The following VPS13B variants were observed in gnomAD, a reference collection of about 807,000 sequenced individuals.
The protein encoded by VPS13B is intermembrane lipid transfer protein VPS13B.
VPS13B carries 285 observed loss-of-function variants against 426.4 expected under a neutral mutation model. That is an observed-to-expected ratio of 0.67 (90% confidence interval 0.61 to 0.74). The LOEUF (loss-of-function observed/expected upper bound fraction) is 0.74, where lower values mean the gene tolerates loss of function less well. Ranked by LOEUF, VPS13B falls within the 30% of genes least tolerant of loss-of-function variation. VPS13B has a pLI of 0.00. For synonymous variants in VPS13B, 1,676 were observed against 1,676.4 expected, an observed-to-expected ratio of 1.00 and a Z score of 0.01; for missense variants, 4,537 against 4,782.6, an observed-to-expected ratio of 0.95 and a Z score of 1.51.
chr8:99,018,732 A>G (rs1331043948), intron 2 of VPS13B, among the ~76,000 whole-genome samples: 1 of 152,118 alleles, frequency 6.6e-6, no homozygotes, highest in African/African-American at 2.4e-5. Context: ...TGTTAGCTAT[A>G]AATAACCTTT....
rs757652643 is a variant in VPS13B, at chr8:99,384,360, T to A, written c.2934+43T>A. The A allele has an allele frequency of 2.7e-6, 4 of 1,475,224 alleles. No homozygotes were observed. The Admixed American group carries it at 6.7e-5, about 25-fold the overall frequency. 91.4% of individuals were successfully genotyped at this position (1,475,224 alleles called of 1,614,324 possible). A position where few individuals can be genotyped will look rare whatever the true frequency, so the allele number is the denominator to read the frequency against. Reference sequence around the variant, plus strand: ...AATTTTTTCTGTTAACAAATATTTTTCTTATTCATTTAGTAGAATTATATA... The same window carrying A: ...AATTTTTTCTGTTAACAAATATTTTACTTATTCATTTAGTAGAATTATATA... On this transcript the variant is annotated intron_variant, in intron 20 of 61. Coordinates refer to ENST00000357162, the MANE Select transcript of VPS13B (RefSeq NM_152564.5).
intron 19 of VPS13B, among the ~76,000 whole-genome samples, chr8:99,323,680 G>A (rs1000926416): frequency 2.6e-5 from 4 of 152,152 alleles, no homozygotes; most frequent in Non-Finnish European, 4.4e-5. Context: ...TATTATCTAA[G>A]CACAATTAAA....
At position 99,876,214 on chromosome 8, in the gene VPS13B, T is replaced by TTGTC. The variant is rs1217703542; in HGVS notation, c.*551_*554dup. 1.9e-5 allele frequency: 3 copies of TTGTC among 161,734 alleles called. No individual in the cohort carries two copies. Among genetic ancestry groups the TTGTC allele is most frequent in the Admixed American group, 5.7e-5 (1 of 17,430 alleles). The allele number at this position is 161,734 out of a possible 1,614,324, so 10.0% of individuals were successfully genotyped here. A position where few individuals can be genotyped will look rare whatever the true frequency, so the allele number is the denominator to read the frequency against. The stretch of plus-strand genomic sequence containing the variant: ...GTCACCACCTTTGCCTCATGCTCCT[T>TTGTC]TGTCTGCAAAGGCCTAGGATTCTTT... On this transcript the variant is annotated 3_prime_UTR_variant, in exon 62 of 62. Transcript: ENST00000357162.
At chr8:99,402,004 T>C (rs1233614228) in intron 21 of VPS13B, among the ~76,000 whole-genome samples, 1 of 152,168 alleles carries the variant, frequency 6.6e-6, no homozygotes, top group Non-Finnish European at 1.5e-5. Flanking sequence ...CTTGTAGCTT[T>C]GTGCACCACA....
intron 50 of VPS13B, among the ~76,000 whole-genome samples, chr8:99,822,669 C>T (rs998968177): frequency 6.6e-6 from 1 of 152,198 alleles, no homozygotes. Flanking sequence ...TTGGTAGTGA[C>T]TCAGGACCTC....
intron 22 of VPS13B, among the ~76,000 whole-genome samples, chr8:99,433,098 T>G (rs1412187074): frequency 6.6e-6 from 1 of 152,244 alleles, no homozygotes; most frequent in Non-Finnish European, 1.5e-5. Flanking sequence ...GGGTACTCAA[T>G]AACACTTGTG....
intron 61 of VPS13B, chr8:99,873,174 G>GAAAT (rs761800631): frequency 2.3e-4 from 35 of 152,144 alleles, no homozygotes; most frequent in Non-Finnish European, 3.8e-4. Flanking sequence ...AGCTGCTTGG[G>GAAAT]AAATATTTCA....
At chr8:99,701,634 A>C (rs778141594) in intron 36 of VPS13B, among the ~76,000 whole-genome samples, 1 of 152,172 alleles carries the variant, frequency 6.6e-6, no homozygotes, top group Non-Finnish European at 1.5e-5. Flanking sequence ...AGTTAAACAC[A>C]AAAACAGCAA....
At chr8:99,805,395 G>A (rs1275217960) in intron 43 of VPS13B, among the ~76,000 whole-genome samples, 2 of 152,106 alleles carry the variant, frequency 1.3e-5, no homozygotes, top group African/African-American at 4.8e-5. Context: ...GTTTTAAGAT[G>A]CAGTTTAACA....
At chr8:99,777,001 C>A in intron 41 of VPS13B, 45 bp downstream of exon 41, 1 of 1,572,644 alleles carries the variant, frequency 6.4e-7, no homozygotes, top group Non-Finnish European at 8.8e-7. Context: ...TTAATACTTA[C>A]CATTTTCTCT....
chr8:99,344,759 A>G (rs944752518), intron 19 of VPS13B, among the ~76,000 whole-genome samples: 2 of 150,952 alleles, frequency 1.3e-5, no homozygotes, highest in South Asian at 4.2e-4. Flanking sequence ...GGTTTGTACA[A>G]TTTTTTATAT....
intron 39 of VPS13B, among the ~76,000 whole-genome samples, chr8:99,738,366 G>C (rs1833930491): frequency 6.6e-6 from 1 of 151,826 alleles, no homozygotes; most frequent in Non-Finnish European, 1.5e-5. Flanking sequence ...TTTCTCTTTA[G>C]CTAAATCATG....
At chr8:99,689,077 C>T (rs761941668) in intron 35 of VPS13B, among the ~76,000 whole-genome samples, 2 of 151,892 alleles carry the variant, frequency 1.3e-5, no homozygotes, top group African/African-American at 2.4e-5. Context: ...GTCTTCTTTC[C>T]GGTAAAGAAT....
intron 17 of VPS13B, chr8:99,234,085 CCCCCAGGGCGTGA>C: frequency 2.6e-6 from 2 of 783,900 alleles, no homozygotes; most frequent in Admixed American, 1.7e-5. Flanking sequence ...CTGAGAAGAG[CCCCCAGGGCGTGA>C]CCTTGCTCCC....
intron 28 of VPS13B, among the ~76,000 whole-genome samples, chr8:99,508,811 A>G (rs1189310489): frequency 6.6e-6 from 1 of 152,062 alleles, no homozygotes; most frequent in Non-Finnish European, 1.5e-5. Context: ...TTTAAATAGT[A>G]TAAAGTATTA....
At chr8:99,623,166 C>T (rs1828441468) in intron 33 of VPS13B, among the ~76,000 whole-genome samples, 1 of 152,170 alleles carries the variant, frequency 6.6e-6, no homozygotes, top group Non-Finnish European at 1.5e-5. Context: ...CTATGCTGTC[C>T]ATCACACTGA....
chr8:99,559,302 A>T (rs893967901), intron 31 of VPS13B, among the ~76,000 whole-genome samples: 2 of 152,194 alleles, frequency 1.3e-5, no homozygotes. Flanking sequence ...GATTCTGGAT[A>T]TTAGCCCTTT....
intron 5 of VPS13B, among the ~76,000 whole-genome samples, chr8:99,107,155 G>A (rs1181257734): frequency 1.3e-5 from 2 of 152,054 alleles, no homozygotes; most frequent in Non-Finnish European, 2.9e-5. Context: ...AATGCACGAG[G>A]CTGTATTAAA....
chr8:99,314,127 A>T (rs941003070), intron 19 of VPS13B, among the ~76,000 whole-genome samples: 2 of 152,034 alleles, frequency 1.3e-5, no homozygotes, highest in East Asian at 3.9e-4. Context: ...TGGTGAGGCG[A>T]TGCCTTGCCC....
Sources: allele counts gnomAD v4.1 joint callset (sites outside exome capture counted in the v4.1 genomes callset), GRCh38; gene constraint gnomAD v4.1.1; transcripts MANE v1.5; gene names NCBI Gene and HGNC (gene_info 2026-07-23, HGNC 2026-07-21).